Variants in KCNMA1 observed in about 807,000 individuals in gnomAD.
KCNMA1 encodes the protein potassium calcium-activated channel subfamily M alpha 1.
Under a neutral mutation model 140.0 loss-of-function variants are expected in KCNMA1, and 29 were observed. The ratio of observed to expected loss-of-function variants is 0.21; its 90% CI spans 0.15 to 0.28. The LOEUF (loss-of-function observed/expected upper bound fraction) is 0.28. Among genes scored for constraint, KCNMA1 ranks in the 10% least tolerant of loss-of-function variants. The pLI is 1.00. For synonymous variants in KCNMA1, 612 were observed against 611.9 expected, an observed-to-expected ratio of 1.00 and a Z score of 0.00; for missense variants, 880 against 1,602.2, an observed-to-expected ratio of 0.55 and a Z score of 7.70.
intron 3 of KCNMA1, among the ~76,000 whole-genome samples, chr10:77,211,943 A>G (rs570657764): frequency 6.6e-6 from 1 of 152,200 alleles, no homozygotes; most frequent in Admixed American, 6.5e-5. Context: ...AAATCAAAAA[A>G]CAACAGATGC....
intron 25 of KCNMA1, among the ~76,000 whole-genome samples, chr10:76,908,346 C>A (rs1364672644): frequency 1.3e-5 from 2 of 152,194 alleles, no homozygotes; most frequent in African/African-American, 4.8e-5. Context: ...ACCAAGGGAG[C>A]CCTTTTCCAA....
intron 5 of KCNMA1, among the ~76,000 whole-genome samples, chr10:77,168,066 C>T (rs955325423): frequency 1.3e-5 from 2 of 152,152 alleles, no homozygotes; most frequent in Non-Finnish European, 2.9e-5. Context: ...CATGATTTAT[C>T]TCATTGGTAG....
At chr10:77,532,761 G>A (rs1293675917) in intron 1 of KCNMA1, among the ~76,000 whole-genome samples, 1 of 148,890 alleles carries the variant, frequency 6.7e-6, no homozygotes, top group African/African-American at 2.5e-5. Context: ...AGAAGCAAAT[G>A]GTTTTTTCAA....
chr10:77,066,698 G>A (rs1398847525), intron 14 of KCNMA1, among the ~76,000 whole-genome samples: 3 of 152,186 alleles, frequency 2.0e-5, no homozygotes, highest in Admixed American at 2.0e-4. Context: ...CACTGGTGAG[G>A]AATATGTGCA....
intron 1 of KCNMA1, among the ~76,000 whole-genome samples, chr10:77,541,168 C>G (rs890792822): frequency 1.3e-5 from 2 of 150,224 alleles, no homozygotes; most frequent in Non-Finnish European, 2.9e-5. Flanking sequence ...AAAAAACTCA[C>G]ATATTGTATC....
chr10:77,295,790 A>T (rs2074861682), intron 2 of KCNMA1, among the ~76,000 whole-genome samples: 1 of 145,822 alleles, frequency 6.9e-6, no homozygotes, highest in Admixed American at 6.8e-5. Flanking sequence ...TCCGTCTCAA[A>T]AAAAAAAAAA....
intron 14 of KCNMA1, among the ~76,000 whole-genome samples, chr10:77,051,354 TA>T (rs1437852686): frequency 3.3e-5 from 5 of 152,198 alleles, no homozygotes; most frequent in Admixed American, 6.5e-5. Flanking sequence ...GCCGCAAGCA[TA>T]AATTCTGCTA....
intron 3 of KCNMA1, among the ~76,000 whole-genome samples, chr10:77,245,184 C>G (rs572215): frequency 0.41 from 62,309 of 152,070 alleles, 14,258 homozygotes; most frequent in East Asian, 0.8. Flanking sequence ...TGAAGGCAGA[C>G]AGCTGGAGCT....
Position 77,009,643 on chromosome 10 carries a change from C to T in KCNMA1, c.2092+2324G>A, listed in dbSNP as rs78365364. Among the ~76,000 whole-genome samples the T allele has an allele frequency of 3.0e-3, 453 of 152,260 alleles. 1 individual carries two copies. The highest frequency in any genetic ancestry group is 6.8e-3 in the Middle Eastern group (2 of 294). On this transcript the variant is annotated intron_variant, in intron 18 of 27. Transcript: ENST00000286628. ...CTAAAACCCACACTTCTTACCACGTCCCCTGTCTCCGTCTCTAATCTCATC... is the reference window on the plus strand; with the variant it reads ...CTAAAACCCACACTTCTTACCACGTTCCCTGTCTCCGTCTCTAATCTCATC...
chr10:76,920,743 T>G (rs1331164809), intron 23 of KCNMA1, among the ~76,000 whole-genome samples: 1 of 152,242 alleles, frequency 6.6e-6, no homozygotes, highest in Non-Finnish European at 1.5e-5. Context: ...TCCTGACACC[T>G]GCAGGCTGTG....
chr10:77,516,633 T>C (rs979034278), intron 1 of KCNMA1, among the ~76,000 whole-genome samples: 1 of 152,282 alleles, frequency 6.6e-6, no homozygotes, highest in Non-Finnish European at 1.5e-5. Context: ...TGAGCCTCTA[T>C]ATGCTGAGAG....
intron 1 of KCNMA1, among the ~76,000 whole-genome samples, chr10:77,512,557 C>T (rs181524966): frequency 1.3e-3 from 192 of 152,324 alleles, no homozygotes; most frequent in African/African-American, 4.5e-3. Context: ...CAGGCATCCA[C>T]TGGGGTCTTG....
chr10:77,391,407 G>C (rs2095816690), intron 2 of KCNMA1, among the ~76,000 whole-genome samples: 1 of 152,148 alleles, frequency 6.6e-6, no homozygotes, highest in African/African-American at 2.4e-5. Context: ...AAATTAACTG[G>C]ATGAGCAAAA....
chr10:77,075,586 G>A (rs2096368648), intron 13 of KCNMA1, among the ~76,000 whole-genome samples: 1 of 152,178 alleles, frequency 6.6e-6, no homozygotes, highest in Non-Finnish European at 1.5e-5. Flanking sequence ...GCCCTGTCTG[G>A]TTTGAGTTCT....
rs147523697 is a variant in KCNMA1 at position 77,467,784 on chromosome 10, C to T, written c.379-63761G>A. ...CCGAGTTCTACATTCACAGGGACCA[C>T]GAATTTTGACCTTGAAGCTATTCCT... On this transcript the variant is annotated intron_variant, in intron 1 of 27. Coordinates refer to ENST00000286628, the MANE Select transcript of KCNMA1 (RefSeq NM_001161352.2). Among the ~76,000 whole-genome samples the T allele has an allele frequency of 7.0e-4, 107 of 152,328 alleles. 2 individuals are homozygous for T. The East Asian group carries it at 0.018, about 26-fold the overall frequency.
At chr10:77,157,277 T>TA (rs778638550) in intron 5 of KCNMA1, among the ~76,000 whole-genome samples, 9 of 152,042 alleles carry the variant, frequency 5.9e-5, no homozygotes, top group East Asian at 5.8e-4. Flanking sequence ...CTGTCTCTGC[T>TA]AAAAAATACA....
chr10:77,313,686 T>C (rs1217061714), intron 2 of KCNMA1, among the ~76,000 whole-genome samples: 1 of 152,198 alleles, frequency 6.6e-6, no homozygotes, highest in Non-Finnish European at 1.5e-5. Context: ...GTGTCTTATT[T>C]ACCTTATATC....
intron 10 of KCNMA1, among the ~76,000 whole-genome samples, 179 bp from the exon 11 acceptor site, chr10:77,086,772 A>G (rs1441978890): frequency 2.0e-5 from 3 of 152,214 alleles, no homozygotes; most frequent in Admixed American, 6.5e-5. Context: ...CCCCAGCCCA[A>G]CTGAAAACCA....
At chr10:77,530,662 G>A (rs897468060) in intron 1 of KCNMA1, among the ~76,000 whole-genome samples, 1 of 152,154 alleles carries the variant, frequency 6.6e-6, no homozygotes, top group Non-Finnish European at 1.5e-5. Context: ...CAGACACAAA[G>A]AGAAAGATGC....
Sources: allele counts gnomAD v4.1 joint callset (sites outside exome capture counted in the v4.1 genomes callset), GRCh38; gene constraint gnomAD v4.1.1; transcripts MANE v1.5; gene names NCBI Gene and HGNC (gene_info 2026-07-23, HGNC 2026-07-21).